APP: variants seen among roughly 807,000 people sequenced by gnomAD.
APP encodes the protein amyloid-beta precursor protein.
Under a neutral mutation model 101.4 loss-of-function variants are expected in APP, and 31 were observed. The observed-to-expected ratio is 0.31, with a 90% CI of 0.23 to 0.41. The LOEUF (loss-of-function observed/expected upper bound fraction) is 0.41. Among genes scored for constraint, APP ranks in the 10% least tolerant of loss-of-function variants. The pLI is 1.00. For synonymous variants in APP, 366 were observed against 364.4 expected (o/e 1.00, Z -0.05); for missense variants, 839 against 1,003.7 (o/e 0.84, Z 2.22).
At chr21:26,030,876 C>G (rs2044788239) in intron 5 of APP, among the ~76,000 whole-genome samples, 1 of 152,152 alleles carries the variant, frequency 6.6e-6, no homozygotes, top group Non-Finnish European at 1.5e-5. Flanking sequence ...CTTTGGCTGT[C>G]TAACAAATAT....
At chr21:26,081,502 C>A (rs1282807987) in intron 3 of APP, among the ~76,000 whole-genome samples, 1 of 152,134 alleles carries the variant, frequency 6.6e-6, no homozygotes, top group South Asian at 2.1e-4. Context: ...AGGCAAGGAC[C>A]GGCCATTTTC....
intron 5 of APP, among the ~76,000 whole-genome samples, chr21:26,044,684 C>A (rs921608056): frequency 1.3e-5 from 2 of 152,138 alleles, no homozygotes; most frequent in Non-Finnish European, 2.9e-5. Flanking sequence ...GGATTACAGG[C>A]ATGCGCCACC....
rs112803945 is a variant in APP, at chr21:26,129,468, CA to C, written c.58-17323del. On this transcript the variant is annotated intron_variant, in intron 1 of 17. Transcript: ENST00000346798. Reference sequence around the variant, plus strand: ...TGGGTGACAGAGTGAGACTCCGTTTCAAAAAAAAAAAAAAATTTCAGGTCTT... The same window carrying C: ...TGGGTGACAGAGTGAGACTCCGTTTCAAAAAAAAAAAAAATTTCAGGTCTT... 6.1e-3 allele frequency among the ~76,000 whole-genome samples: 742 copies of C among 122,634 alleles called. 2 individuals carry two copies. The highest frequency in any genetic ancestry group is 0.017 in the African/African-American group (548 of 32,678). The allele number at this position is 122,634 out of a possible 152,430, so 80.5% of individuals were successfully genotyped here.
intron 11 of APP, among the ~76,000 whole-genome samples, chr21:25,958,407 G>C (rs964779562): frequency 9.2e-5 from 14 of 152,128 alleles, no homozygotes; most frequent in African/African-American, 3.4e-4. Context: ...CTCCTGAGTA[G>C]CTGGGACTAC....
At chr21:25,994,114 C>CT (rs1187218423) in intron 8 of APP, among the ~76,000 whole-genome samples, 1 of 152,130 alleles carries the variant, frequency 6.6e-6, no homozygotes, top group Non-Finnish European at 1.5e-5. Context: ...GGGATGCAGT[C>CT]TGATGGAGAC....
intron 1 of APP, among the ~76,000 whole-genome samples, chr21:26,156,645 T>G (rs978884008): frequency 6.6e-6 from 1 of 152,222 alleles, no homozygotes; most frequent in African/African-American, 2.4e-5. Flanking sequence ...TAGCCAGTTA[T>G]GATAGCTCAA....
intron 1 of APP, among the ~76,000 whole-genome samples, chr21:26,136,169 A>AAAGAAAGAAAGAAAGAAAGAAAG (rs1555882167): frequency 1.1e-5 from 1 of 91,954 alleles, no homozygotes; most frequent in Admixed American, 1.3e-4. Context: ...GAAAAGAAAG[A>AAAGAAAGAAAGAAAGAAAGAAAG]AAAGAAAGAA....
chr21:25,886,091 C>A (rs1426746805), intron 17 of APP, among the ~76,000 whole-genome samples: 2 of 151,770 alleles, frequency 1.3e-5, no homozygotes, highest in Non-Finnish European at 1.5e-5. Flanking sequence ...TGAGATGGAC[C>A]AGACGAGTAA....
intron 14 of APP, among the ~76,000 whole-genome samples, chr21:25,911,400 C>T (rs965181627): frequency 1.3e-5 from 2 of 152,150 alleles, no homozygotes; most frequent in South Asian, 2.1e-4. Flanking sequence ...TGGACATGTG[C>T]GAAACAAGAG....
chr21:25,883,598 C>T (rs1364239913), intron 17 of APP, among the ~76,000 whole-genome samples: 1 of 152,146 alleles, frequency 6.6e-6, no homozygotes, highest in East Asian at 1.9e-4. Flanking sequence ...GAGGCTGAGG[C>T]AGAAGAACTG....
intron 1 of APP, among the ~76,000 whole-genome samples, chr21:26,146,329 A>T (rs1490539634): frequency 6.6e-6 from 1 of 152,242 alleles, no homozygotes; most frequent in African/African-American, 2.4e-5. Context: ...TCTGTTATCA[A>T]TTGACAGTAG....
intron 11 of APP, among the ~76,000 whole-genome samples, chr21:25,971,323 G>C (rs535693154): frequency 6.6e-6 from 1 of 152,232 alleles, no homozygotes; most frequent in East Asian, 1.9e-4. Context: ...TGGGATTACA[G>C]GCGTGAGCCA....
At chr21:25,980,519 T>C (rs141097158) in intron 9 of APP, among the ~76,000 whole-genome samples, 130 of 152,260 alleles carry the variant, frequency 8.5e-4, no homozygotes, top group African/African-American at 3.0e-3. Flanking sequence ...CTAGTTCAAT[T>C]AGCTGTTAGG....
intron 15 of APP, among the ~76,000 whole-genome samples, chr21:25,901,178 A>G (rs1470239936): frequency 2.6e-5 from 4 of 151,814 alleles, no homozygotes; most frequent in Non-Finnish European, 5.9e-5. Flanking sequence ...CATCCCTGTA[A>G]TCCCAGCTGC....
At position 25,974,080 on chromosome 21, in the gene APP, T is replaced by C. The variant is rs147404670; in HGVS notation, c.1458+990A>G. Among the ~76,000 whole-genome samples the C allele has an allele frequency of 7.9e-5, 12 of 152,180 alleles. No homozygotes were observed. The East Asian group carries it at 1.5e-3, about 20-fold the overall frequency. On this transcript the variant is annotated intron_variant, in intron 11 of 17. Coordinates refer to ENST00000346798, the MANE Select transcript of APP (RefSeq NM_000484.4). ...TGCCTGTACCACTCAACATGCCTTT[T>C]TGGGGCAATGATCACTGAAAACCAT...
intron 14 of APP, among the ~76,000 whole-genome samples, chr21:25,909,340 A>G (rs1411742070): frequency 2.0e-5 from 3 of 152,120 alleles, no homozygotes; most frequent in Non-Finnish European, 4.4e-5. Context: ...TATATATGTC[A>G]ATGTTGGGAC....
intron 1 of APP, among the ~76,000 whole-genome samples, chr21:26,160,823 A>C (rs1397067321): frequency 1.3e-5 from 2 of 152,238 alleles, no homozygotes; most frequent in Non-Finnish European, 2.9e-5. Context: ...GGCATGGATG[A>C]AATATTTCAA....
At chr21:25,893,158 A>G (rs954454163) in intron 16 of APP, among the ~76,000 whole-genome samples, 4 of 152,122 alleles carry the variant, frequency 2.6e-5, no homozygotes, top group African/African-American at 9.7e-5. Flanking sequence ...TTGGAGTGTC[A>G]TGAAACATGC....
chr21:26,057,473 C>CACACACA (rs548792322), intron 3 of APP, among the ~76,000 whole-genome samples: 1 of 149,066 alleles, frequency 6.7e-6, no homozygotes, highest in Non-Finnish European at 1.5e-5. Flanking sequence ...ATGTCACACA[C>CACACACA]CACACACACA....
Sources: allele counts gnomAD v4.1 joint callset (sites outside exome capture counted in the v4.1 genomes callset), GRCh38; gene constraint gnomAD v4.1.1; transcripts MANE v1.5; gene names NCBI Gene and HGNC (gene_info 2026-07-23, HGNC 2026-07-21).